The following SLC9A5 variants were observed in gnomAD, a reference collection of about 807,000 sequenced individuals.
SLC9A5 encodes the protein solute carrier family 9 member A5, also known as sodium/hydrogen exchanger 5.
Under a neutral mutation model 91.7 loss-of-function variants are expected in SLC9A5, and 52 were observed. The ratio of observed to expected loss-of-function variants is 0.57; its 90% CI spans 0.45 to 0.71. The LOEUF (loss-of-function observed/expected upper bound fraction) is 0.71. SLC9A5 is among the 30% of genes least tolerant of loss of function. The pLI is 0.00. For missense variants in SLC9A5, 871 were observed against 1,158.9 expected (o/e 0.75, Z 3.61); for synonymous variants, 419 against 474.5 (o/e 0.88, Z 1.52).
chr16:67,255,040 C>T lies in SLC9A5; in HGVS notation c.510C>T (p.Gly170=). The T allele has an allele frequency of 6.2e-7, 1 of 1,613,960 alleles. No individual in the cohort carries two copies. ...TAATAGCCCCTAGGGTGCAGGCTGG[C>T]TTACTGGACTTCCTGCTGTTTGGGA... The part of the protein sequence containing the change: ...AGLVAPRVQA[G]LLDFLLFGSL... The change falls in exon 3 of 16, where the codon GGC becomes GGT. Residue 170 remains glycine, a synonymous_variant. Transcript: ENST00000299798. The surrounding 1 kb of genome is among the most constrained non-coding windows in gnomAD (Gnocchi z 4.9).
chr16:67,268,710 A>ATATATATATATTTT (rs1555500934), intron 15 of SLC9A5, among the ~76,000 whole-genome samples: 2 of 89,772 alleles, frequency 2.2e-5, no homozygotes. Context: ...ATATATATAT[A>ATATATATATATTTT]TTTTTACAGT....
rs374394872 is a variant in SLC9A5 at position 67,259,611 on chromosome 16, T to G, written c.1665T>G (p.Pro555=). 26 of 1,614,174 alleles carry G rather than the reference T, an allele frequency of 1.6e-5. No homozygotes were observed. The highest frequency in any genetic ancestry group is 2.2e-5 in the Non-Finnish European group (26 of 1,180,038). The change falls in exon 11 of 16, where the codon CCT becomes CCG. Residue 555 remains proline, a synonymous_variant. Transcript: ENST00000299798. The stretch of plus-strand genomic sequence containing the variant: ...TGTCTTCCACAGGTCTCACTCTGCC[T>G]TCTATGCCCAGCCGCAATTCTGTGG... ...HVLSSTGLTL[P]SMPSRNSVAE... is the part of the protein sequence containing the mutation.
chr16:67,255,363 C>G lies in SLC9A5; in HGVS notation c.655-30C>G, dbSNP rs2035273852. 1 of 1,597,520 alleles carries G rather than the reference C, an allele frequency of 6.3e-7. No individual in the cohort carries two copies. Among genetic ancestry groups the G allele is most frequent in the African/African-American group, 1.3e-5 (1 of 74,632 alleles). On this transcript the variant is annotated intron_variant, in intron 3 of 15. Transcript: ENST00000299798. This position sits in a 1 kb window ranked among gnomAD's most constrained non-coding sequence, Gnocchi z 4.9. ...GCAGTCCCAGTTGCTGCCTTCCCGC[C>G]TCACTGCTGACTCTCCTCTTCTCGC...
In SLC9A5 at chr16:67,252,900, T is replaced by C; in HGVS notation, c.490+56T>C. The C allele has an allele frequency of 6.7e-7, 1 of 1,483,752 alleles. No homozygotes were observed. The highest frequency in any genetic ancestry group is 9.1e-7 in the Non-Finnish European group (1 of 1,098,016). The allele number at this position is 1,483,752 out of a possible 1,614,324, so 91.9% of individuals were successfully genotyped here. Reference sequence around the variant, plus strand: ...GACCCATCACCCCTCTCCCTTCTCCTCAAGCTCTGGAGGCCCATGCTGGTG... The same window carrying C: ...GACCCATCACCCCTCTCCCTTCTCCCCAAGCTCTGGAGGCCCATGCTGGTG... On this transcript the variant is annotated intron_variant, in intron 2 of 15. Transcript: ENST00000299798. The surrounding 1 kb of genome is among the most constrained non-coding windows in gnomAD (Gnocchi z 4.0).
intron 15 of SLC9A5, among the ~76,000 whole-genome samples, chr16:67,267,261 T>A (rs573319836): frequency 6.6e-6 from 1 of 152,064 alleles, no homozygotes; most frequent in South Asian, 2.1e-4. Context: ...TAATTTTGTA[T>A]TTTTAGTAGA....
chr16:67,266,905 TTTTC>T (rs1287952228), intron 15 of SLC9A5, among the ~76,000 whole-genome samples: 1 of 141,974 alleles, frequency 7.0e-6, no homozygotes, highest in African/African-American at 2.9e-5. Context: ...TTTTTTTTCT[TTTTC>T]TTTTTTTTTT....
chr16:67,264,713 GA>G (rs964920564), intron 13 of SLC9A5, among the ~76,000 whole-genome samples, 191 bp downstream of exon 13: 1 of 152,238 alleles, frequency 6.6e-6, no homozygotes, highest in African/African-American at 2.4e-5. Context: ...GAGACCTTCA[GA>G]GGGGGAGCAG....
chr16:67,267,246 C>G (rs554742939), intron 15 of SLC9A5, among the ~76,000 whole-genome samples: 1 of 151,812 alleles, frequency 6.6e-6, no homozygotes, highest in East Asian at 1.9e-4. Context: ...GCCACCACAC[C>G]CAGCTAATTT....
chr16:67,265,145 G>C (rs1306516612), intron 14 of SLC9A5, 39 bp downstream of exon 14: 1 of 1,594,694 alleles, frequency 6.3e-7, no homozygotes. Flanking sequence ...ATGGGAGGGA[G>C]GAGGGAAAGG....
At position 67,250,402 on chromosome 16, in the gene SLC9A5, C is replaced by T. The variant is rs112799665; in HGVS notation, c.187+1201C>T. ...GGACAAGTATGGAGAGATCTATGAC[C>T]ATGTTTACCTTAGAGGTCCAGCAGC... On this transcript the variant is annotated intron_variant, in intron 1 of 15. Transcript: ENST00000299798. Among the ~76,000 whole-genome samples, 1,110 of 152,212 alleles carry T rather than the reference C, an allele frequency of 7.3e-3. 7 individuals are homozygous for T. The highest frequency in any genetic ancestry group is 0.017 in the Middle Eastern group (5 of 294).
chr16:67,264,491 A>G lies in SLC9A5; in HGVS notation c.1982A>G (p.Lys661Arg). The part of the protein sequence containing the change: ...TKHNICFTKS[K>R]PRPRKTGRRK... ...CACAACATCTGCTTCACCAAGAGCAAGCCACGACCCCGCAAGACTGGCCGC... is the reference window on the plus strand; with the variant it reads ...CACAACATCTGCTTCACCAAGAGCAGGCCACGACCCCGCAAGACTGGCCGC... Residue 661 changes from lysine to arginine, a missense_variant, in exon 13 of 16, where the codon AAG becomes AGG. Lys to Arg is a conservative substitution (Grantham distance 26). Coordinates refer to ENST00000299798, the MANE Select transcript of SLC9A5 (RefSeq NM_004594.3). 7 of 1,614,202 alleles carry G rather than the reference A, an allele frequency of 4.3e-6. No individual in the cohort carries two copies. Among genetic ancestry groups the G allele is most frequent in the Non-Finnish European group, 5.9e-6 (7 of 1,180,036 alleles).
chr16:67,259,361 C>CAAA (rs764650700), intron 10 of SLC9A5, among the ~76,000 whole-genome samples: 3 of 43,374 alleles, frequency 6.9e-5, no homozygotes, highest in African/African-American at 2.0e-4. Context: ...GACTCTGTCT[C>CAAA]AAAAAAAAAA....
chr16:67,251,697 A>G (rs1290293587), intron 1 of SLC9A5, among the ~76,000 whole-genome samples: 2 of 151,938 alleles, frequency 1.3e-5, no homozygotes, highest in Non-Finnish European at 2.9e-5. Context: ...TACAGGCATG[A>G]GCCACCGCGC....
In SLC9A5 at chr16:67,265,156, G is replaced by A. The variant is rs772487999; in HGVS notation, c.2080+50G>A. 6 of 1,576,902 alleles carry A rather than the reference G, an allele frequency of 3.8e-6. No homozygotes were observed. The South Asian group carries it at 5.5e-5, about 15-fold the overall frequency. ...GAGGATGGGAGGGAGGAGGGAAAGG[G>A]CTGGGGCTTGCCAGCCAGAATCCTG... On this transcript the variant is annotated intron_variant, in intron 14 of 15. Transcript: ENST00000299798.
intron 15 of SLC9A5, among the ~76,000 whole-genome samples, chr16:67,266,479 A>T (rs1021467045): frequency 6.6e-6 from 1 of 152,200 alleles, no homozygotes; most frequent in African/African-American, 2.4e-5. Context: ...TAGTAGAACC[A>T]GAATTTGAAC....
intron 2 of SLC9A5, among the ~76,000 whole-genome samples, chr16:67,254,589 G>T (rs1265422315): frequency 6.6e-6 from 1 of 152,154 alleles, no homozygotes; most frequent in Non-Finnish European, 1.5e-5. Flanking sequence ...TAGAGACAGG[G>T]TTTCACCATG....
At chr16:67,251,685 A>G (rs1236653433) in intron 1 of SLC9A5, among the ~76,000 whole-genome samples, 1 of 151,992 alleles carries the variant, frequency 6.6e-6, no homozygotes, top group Non-Finnish European at 1.5e-5. Flanking sequence ...AAGTGCTGGG[A>G]TTACAGGCAT....
chr16:67,265,390 A>C (rs573872174), intron 14 of SLC9A5, among the ~76,000 whole-genome samples: 1 of 151,842 alleles, frequency 6.6e-6, no homozygotes, highest in Non-Finnish European at 1.5e-5. Context: ...GGATGGGTGG[A>C]CTCTGGGGCC....
chr16:67,253,251 AT>A lies in SLC9A5; in HGVS notation c.490+416del, dbSNP rs1360448113. 2.0e-5 allele frequency among the ~76,000 whole-genome samples: 3 copies of A among 150,466 alleles called. No homozygotes were observed. The East Asian group carries it at 5.8e-4, about 29-fold the overall frequency. On this transcript the variant is annotated intron_variant, in intron 2 of 15. Coordinates refer to ENST00000299798, the MANE Select transcript of SLC9A5 (RefSeq NM_004594.3). ...TGGGTGGTTTTCTGTTTTTATTATT[AT>A]TTTTTTTTCTTAACTATATGTTGTC...
Sources: allele counts gnomAD v4.1 joint callset (sites outside exome capture counted in the v4.1 genomes callset), GRCh38; gene constraint gnomAD v4.1.1; non-coding constraint Gnocchi (gnomAD v3.1); transcripts MANE v1.5; gene names NCBI Gene and HGNC (gene_info 2026-07-23, HGNC 2026-07-21).